PDK1: variants seen among roughly 807,000 people sequenced by gnomAD.
The protein encoded by PDK1 is [Pyruvate dehydrogenase (acetyl-transferring)] kinase isozyme 1, mitochondrial.
PDK1 carries 39 observed loss-of-function variants against 54.2 expected under a neutral mutation model. That is an observed-to-expected ratio of 0.72 (90% CI 0.56 to 0.94). The LOEUF is 0.94. Among genes scored for constraint, PDK1 ranks in the 40% least tolerant of loss-of-function variants. The pLI, the probability that PDK1 is intolerant of heterozygous loss-of-function variation, is 0.00. For synonymous variants in PDK1, 221 were observed against 207.1 expected, an observed-to-expected ratio of 1.07 and a Z score of -0.58; for missense variants, 552 against 566.0, an observed-to-expected ratio of 0.98 and a Z score of 0.25.
chr2:172,643,747 A>G, the PDK1 span, among the ~76,000 whole-genome samples: 2 of 152,216 alleles, frequency 1.3e-5, no homozygotes, highest in African/African-American at 4.8e-5. Flanking sequence ...CCTCTGGTTA[A>G]GGGCCAGTTC....
intron 9 of PDK1, 126 bp downstream of exon 9, chr2:172,586,514 GCA>G: frequency 1.9e-6 from 1 of 530,208 alleles, no homozygotes; most frequent in Non-Finnish European, 3.4e-6. Context: ...TCTTAGAAAT[GCA>G]CACTTTCCCC....
the PDK1 span, among the ~76,000 whole-genome samples, chr2:172,644,294 G>A: frequency 6.6e-6 from 1 of 152,252 alleles, no homozygotes; most frequent in Non-Finnish European, 1.5e-5. Context: ...TGTCTGTAGT[G>A]TTTCAGGACT....
intron 1 of PDK1, chr2:172,556,626 A>T (rs956426419): frequency 3.1e-6 from 1 of 322,740 alleles, no homozygotes. Flanking sequence ...GCACGTGTGC[A>T]GGTGCGCGCT....
intron 8 of PDK1, among the ~76,000 whole-genome samples, chr2:172,578,157 T>C (rs1689676443): frequency 6.6e-6 from 1 of 152,242 alleles, no homozygotes. Flanking sequence ...CTCACTGCCT[T>C]CCAGCCTCCA....
chr2:172,656,303 C>G, the PDK1 span, among the ~76,000 whole-genome samples: 18 of 152,186 alleles, frequency 1.2e-4, no homozygotes, highest in Non-Finnish European at 2.4e-4. Flanking sequence ...TAGCTGTAAA[C>G]CCTTGTTATC....
the PDK1 span, among the ~76,000 whole-genome samples, chr2:172,707,704 G>A: frequency 6.6e-6 from 1 of 152,148 alleles, no homozygotes; most frequent in African/African-American, 2.4e-5. Context: ...ATACATAGAG[G>A]GAGGAATAGG....
chr2:172,555,789 C>G, upstream of PDK1: 1 of 193,164 alleles, frequency 5.2e-6, no homozygotes, highest in Middle Eastern at 1.8e-3. Flanking sequence ...TGTCCCCAGT[C>G]CCATCACCCG....
the PDK1 span, among the ~76,000 whole-genome samples, chr2:172,655,118 C>G: frequency 6.6e-6 from 1 of 152,164 alleles, no homozygotes; most frequent in African/African-American, 2.4e-5. Context: ...TTGGAGCTCC[C>G]CCGCTATCCA....
chr2:172,665,833 A>C, the PDK1 span, among the ~76,000 whole-genome samples: 1 of 152,204 alleles, frequency 6.6e-6, no homozygotes, highest in East Asian at 1.9e-4. Flanking sequence ...CTGAGTGTCT[A>C]TGGAAATGGT....
intron 10 of PDK1, among the ~76,000 whole-genome samples, chr2:172,594,307 G>A (rs1690774766): frequency 6.6e-6 from 1 of 152,136 alleles, no homozygotes; most frequent in Admixed American, 6.5e-5. Context: ...TTACAGGCAT[G>A]AGCCACCACA....
chr2:172,650,544 G>A, the PDK1 span, among the ~76,000 whole-genome samples: 81 of 152,036 alleles, frequency 5.3e-4, no homozygotes, highest in African/African-American at 1.9e-3. Context: ...CTGGCAAATT[G>A]GATAGTCAAA....
the PDK1 span, among the ~76,000 whole-genome samples, chr2:172,613,948 G>A: frequency 6.6e-6 from 1 of 152,080 alleles, no homozygotes; most frequent in Non-Finnish European, 1.5e-5. Context: ...GAGGGAGCCA[G>A]GAACAGGCAG....
chr2:172,581,761 A>G (rs918874355), intron 8 of PDK1, among the ~76,000 whole-genome samples: 2 of 152,204 alleles, frequency 1.3e-5, no homozygotes, highest in Non-Finnish European at 2.9e-5. Flanking sequence ...GCTTGTTCAA[A>G]TTATTGACAT....
the PDK1 span, among the ~76,000 whole-genome samples, chr2:172,622,744 GAT>G: frequency 6.5e-3 from 885 of 135,884 alleles, 13 homozygotes; most frequent in African/African-American, 0.023. Context: ...TATTATGTGA[GAT>G]ATGTTTATAT....
Position 172,573,614 on chromosome 2 carries a change from T to G in PDK1, c.945+2790T>G, listed in dbSNP as rs1689413388. 2.0e-5 allele frequency among the ~76,000 whole-genome samples: 3 copies of G among 151,106 alleles called. 1 individual carries two copies. In the East Asian group the frequency reaches 5.8e-4, roughly 29 times the overall value. ...ATATACACCCTATATATATTCTATTTGTGTGTATATATTCTATGTGTGTGT... is the reference window on the plus strand; with the variant it reads ...ATATACACCCTATATATATTCTATTGGTGTGTATATATTCTATGTGTGTGT... On this transcript the variant is annotated intron_variant, in intron 8 of 10. Transcript: ENST00000282077.
At chr2:172,681,511 C>T in the PDK1 span, among the ~76,000 whole-genome samples, 2 of 152,182 alleles carry the variant, frequency 1.3e-5, no homozygotes, top group Non-Finnish European at 2.9e-5. Context: ...CTTCTCTCAG[C>T]TTCTGTCATT....
the PDK1 span, among the ~76,000 whole-genome samples, chr2:172,668,853 A>T: frequency 6.8e-6 from 1 of 146,206 alleles, no homozygotes; most frequent in South Asian, 2.1e-4. Context: ...ACACACACAC[A>T]CATATATATG....
intron 10 of PDK1, among the ~76,000 whole-genome samples, chr2:172,594,046 T>C (rs1690754033): frequency 6.6e-6 from 1 of 151,492 alleles, no homozygotes; most frequent in South Asian, 2.1e-4. Flanking sequence ...TCTTTTTTTT[T>C]TTTTTTTGAG....
chr2:172,636,257 G>A, the PDK1 span, among the ~76,000 whole-genome samples: 1 of 152,192 alleles, frequency 6.6e-6, no homozygotes, highest in Non-Finnish European at 1.5e-5. Flanking sequence ...TCTTCAGGCT[G>A]TACAGGAAGT....
Sources: allele counts gnomAD v4.1 joint callset (sites outside exome capture counted in the v4.1 genomes callset), GRCh38; gene constraint gnomAD v4.1.1; transcripts MANE v1.5; gene names NCBI Gene and HGNC (gene_info 2026-07-23, HGNC 2026-07-21).